The following MYO5C variants were observed in gnomAD, a reference collection of about 807,000 sequenced individuals.
MYO5C encodes myosin VC.
Under a neutral mutation model 235.7 loss-of-function variants are expected in MYO5C, and 194 were observed. The observed-to-expected ratio is 0.82, with a 90% CI of 0.73 to 0.93. The LOEUF is 0.93. MYO5C is among the 40% of genes least tolerant of loss of function. MYO5C has a pLI of 0.00. For missense variants in MYO5C, 2,038 were observed against 2,127.2 expected (o/e 0.96, Z 0.82); for synonymous variants, 707 against 754.8 (o/e 0.94, Z 1.04).
intron 1 of MYO5C, among the ~76,000 whole-genome samples, chr15:52,290,020 C>T (rs1241738113): frequency 2.0e-5 from 3 of 152,150 alleles, no homozygotes; most frequent in African/African-American, 7.2e-5. Flanking sequence ...GCTGGAGACA[C>T]TCCTCATCTT....
chr15:52,276,271 G>A (rs944306638), intron 4 of MYO5C, among the ~76,000 whole-genome samples: 1 of 152,162 alleles, frequency 6.6e-6, no homozygotes, highest in Admixed American at 6.5e-5. Context: ...TGCAGCAAGA[G>A]GATACACAGC....
chr15:52,273,789 G>T (rs1190438707), intron 5 of MYO5C, among the ~76,000 whole-genome samples: 1 of 152,086 alleles, frequency 6.6e-6, no homozygotes, highest in Non-Finnish European at 1.5e-5. Context: ...TATAATAGCA[G>T]CCCAGACTGA....
intron 10 of MYO5C, among the ~76,000 whole-genome samples, chr15:52,260,474 A>G (rs2036670515): frequency 6.6e-6 from 1 of 152,190 alleles, no homozygotes; most frequent in Non-Finnish European, 1.5e-5. Flanking sequence ...GAGCCTCACA[A>G]CTGTGCTGGG....
At chr15:52,283,940 A>C (rs1362256165) in intron 1 of MYO5C, among the ~76,000 whole-genome samples, 1 of 152,032 alleles carries the variant, frequency 6.6e-6, no homozygotes, top group Non-Finnish European at 1.5e-5. Flanking sequence ...CTCCCAAAGT[A>C]CTGGGATTAC....
rs1349221678 is a variant in MYO5C, at chr15:52,257,461, T to A, written c.1314-741A>T. 2.6e-5 allele frequency among the ~76,000 whole-genome samples: 4 copies of A among 152,140 alleles called. No homozygotes were observed. The East Asian group carries it at 7.7e-4, about 29-fold the overall frequency. On this transcript the variant is annotated intron_variant, in intron 10 of 40. Transcript: ENST00000261839. The stretch of plus-strand genomic sequence containing the variant: ...GATGAATGCGGCCCAGGATGTTAGA[T>A]TAATTGATTCTTAAGAAAAGTCAGA...
At chr15:52,286,757 G>A (rs545658646) in intron 1 of MYO5C, among the ~76,000 whole-genome samples, 2 of 151,952 alleles carry the variant, frequency 1.3e-5, no homozygotes, top group South Asian at 2.1e-4. Flanking sequence ...CTCGTTGAGA[G>A]TCATCACCAC....
rs1282008267 is a variant in MYO5C, at chr15:52,286,447, C to G, written c.28-3555G>C. 9.2e-5 allele frequency among the ~76,000 whole-genome samples: 14 copies of G among 152,302 alleles called. No homozygotes were observed. In the East Asian group the frequency reaches 2.7e-3, roughly 29 times the overall value. On this transcript the variant is annotated intron_variant, in intron 1 of 40. Coordinates refer to ENST00000261839, the MANE Select transcript of MYO5C (RefSeq NM_018728.4). ...CACCCCGTCTGGGAGGTGTGCCCAA[C>G]AGCTCATTGAGAACGGGCCATGATG...
At chr15:52,271,613 T>G in intron 7 of MYO5C, 150 bp downstream of exon 7, 6 of 403,192 alleles carry the variant, frequency 1.5e-5, no homozygotes, top group Non-Finnish European at 1.3e-5. Context: ...ATCCCCTTAA[T>G]TAGATGCACC....
intron 1 of MYO5C, among the ~76,000 whole-genome samples, chr15:52,284,836 TTTC>T (rs1477539254): frequency 4.9e-5 from 5 of 102,514 alleles, no homozygotes; most frequent in African/African-American, 1.5e-4. Flanking sequence ...TTTTTCTTTC[TTTC>T]TTTTTTTTTT....
At chr15:52,248,463 A>G (rs984673118) in intron 14 of MYO5C, among the ~76,000 whole-genome samples, 2 of 152,122 alleles carry the variant, frequency 1.3e-5, no homozygotes, top group African/African-American at 2.4e-5. Context: ...TGATTCTTCA[A>G]TGGTTCTATT....
chr15:52,204,781 G>C, intron 38 of MYO5C, 84 bp downstream of exon 38: 1 of 1,482,898 alleles, frequency 6.7e-7, no homozygotes, highest in Non-Finnish European at 9.0e-7. Context: ...CCACAGCAGG[G>C]AGGGTCAGGC....
intron 8 of MYO5C, among the ~76,000 whole-genome samples, chr15:52,266,923 C>T (rs560469943): frequency 1.6e-4 from 24 of 152,302 alleles, no homozygotes; most frequent in African/African-American, 5.5e-4. Flanking sequence ...CAGCAGGCAG[C>T]CATCACCATT....
chr15:52,216,971 G>A (rs1239916170), intron 32 of MYO5C, among the ~76,000 whole-genome samples: 1 of 152,198 alleles, frequency 6.6e-6, no homozygotes, highest in Non-Finnish European at 1.5e-5. Flanking sequence ...GCAAGGAAGG[G>A]TTTTCCTTAG....
Position 52,223,590 on chromosome 15 carries a change from T to C in MYO5C, c.3581A>G (p.Asn1194Ser), listed in dbSNP as rs1394981039. The change falls in exon 29 of 41, where the codon AAT becomes AGT. Residue 1194 changes from asparagine (N) to serine (S), a missense_variant. Coordinates refer to ENST00000261839, the MANE Select transcript of MYO5C (RefSeq NM_018728.4). ...GGTAACTTCATGACGGATGCTTTCA[T>C]TGATGTCATTTTCTTCTCTGAATAA... is the stretch of plus-strand genomic sequence containing the variant. ...QKLFREENDI[N>S]ESIRHEVTRL... The C allele has an allele frequency of 2.5e-6, 4 of 1,614,204 alleles. No individual in the cohort carries two copies. Among genetic ancestry groups the C allele is most frequent in the Non-Finnish European group, 1.7e-6 (2 of 1,180,024 alleles).
chr15:52,287,860 C>G (rs1214880575), intron 1 of MYO5C, among the ~76,000 whole-genome samples: 1 of 152,080 alleles, frequency 6.6e-6, no homozygotes, highest in Non-Finnish European at 1.5e-5. Context: ...CCTCTAACCC[C>G]AGCTACTTGG....
intron 24 of MYO5C, 135 bp from the exon 25 acceptor site, chr15:52,229,448 A>AC (rs1596165001): frequency 4.0e-6 from 3 of 746,666 alleles, no homozygotes; most frequent in Non-Finnish European, 6.3e-6. Context: ...AACAAGAGAG[A>AC]CCCCGTCCCC....
chr15:52,229,003 C>T (rs2035890578), intron 25 of MYO5C, 130 bp downstream of exon 25: 2 of 999,594 alleles, frequency 2.0e-6, no homozygotes, highest in African/African-American at 3.2e-5. Context: ...GTTGGAAGGA[C>T]TGAAGGAATC....
intron 1 of MYO5C, among the ~76,000 whole-genome samples, chr15:52,288,371 AT>A (rs770172558): frequency 2.6e-5 from 4 of 152,312 alleles, no homozygotes; most frequent in Admixed American, 2.0e-4. Context: ...TAAAAGTGGT[AT>A]TAAATGGCAG....
intron 4 of MYO5C, among the ~76,000 whole-genome samples, chr15:52,278,289 C>G (rs1348083915): frequency 6.6e-6 from 1 of 152,164 alleles, no homozygotes; most frequent in African/African-American, 2.4e-5. Context: ...TGGTTATTCC[C>G]TGAAGCTGTT....
Sources: gnomAD v4.1 joint callset for allele counts (sites outside exome capture counted in the v4.1 genomes callset) on GRCh38, gnomAD v4.1.1 for gene constraint, MANE v1.5 for transcripts, NCBI Gene and HGNC (gene_info 2026-07-23, HGNC 2026-07-21) for gene names.